Variants in RMDN2 observed in about 807,000 individuals in gnomAD.
RMDN2 encodes the protein regulator of microtubule dynamics protein 2.
A neutral mutation model predicts 52.8 loss-of-function variants in RMDN2; 61 were observed. The ratio of observed to expected loss-of-function variants is 1.16; its 90% CI spans 0.94 to 1.43. The LOEUF (loss-of-function observed/expected upper bound fraction) is 1.43. RMDN2 is among the 40% of genes most tolerant of loss of function. The pLI, the probability that RMDN2 is intolerant of heterozygous loss-of-function variation, is 0.00. For synonymous variants in RMDN2, 180 were observed against 153.1 expected (o/e 1.18, Z -1.30); for missense variants, 592 against 475.3 (o/e 1.25, Z -2.28).
At chr2:38,036,830 A>G (rs1271459506) in intron 10 of RMDN2, 1 of 152,296 alleles carries the variant, frequency 6.6e-6, no homozygotes, top group African/African-American at 2.4e-5. Flanking sequence ...TGGCAAATAC[A>G]GTGTTCTTTC....
intron 2 of RMDN2, among the ~76,000 whole-genome samples, chr2:37,966,203 C>T (rs184207726): frequency 2.6e-5 from 4 of 152,156 alleles, no homozygotes; most frequent in Admixed American, 6.5e-5. Context: ...AGGTGGATCA[C>T]GAGGTCAAAT....
chr2:37,934,457 T>G (rs1667121652), intron 2 of RMDN2, among the ~76,000 whole-genome samples: 1 of 152,266 alleles, frequency 6.6e-6, no homozygotes, highest in Non-Finnish European at 1.5e-5. Context: ...AGTTTGTGTC[T>G]GTGTCCTTTT....
At chr2:37,983,619 G>A (rs1003685584) in intron 5 of RMDN2, among the ~76,000 whole-genome samples, 7 of 152,082 alleles carry the variant, frequency 4.6e-5, no homozygotes, top group Admixed American at 1.3e-4. Context: ...CCCACTGAAT[G>A]CAAAAGTCCT....
At chr2:38,012,260 T>C (rs1038512520) in intron 10 of RMDN2, among the ~76,000 whole-genome samples, 1 of 152,220 alleles carries the variant, frequency 6.6e-6, no homozygotes, top group Non-Finnish European at 1.5e-5. Flanking sequence ...AAAGACTTCC[T>C]TGACGCCTGC....
intron 2 of RMDN2, among the ~76,000 whole-genome samples, chr2:37,941,442 C>G (rs1227861409): frequency 6.6e-6 from 1 of 152,248 alleles, no homozygotes; most frequent in Non-Finnish European, 1.5e-5. Context: ...ATCTGCTGCT[C>G]TCTTCAGAGC....
intron 2 of RMDN2, among the ~76,000 whole-genome samples, chr2:37,939,358 G>A (rs1250370970): frequency 2.0e-5 from 3 of 152,216 alleles, no homozygotes; most frequent in East Asian, 3.8e-4. Flanking sequence ...TGAGAAAAAT[G>A]TATATTCTGT....
chr2:38,005,722 G>C (rs373435571), intron 10 of RMDN2, among the ~76,000 whole-genome samples: 7 of 152,062 alleles, frequency 4.6e-5, no homozygotes, highest in African/African-American at 4.8e-5. Flanking sequence ...TCCCATTTGT[G>C]AATTTTGGCT....
chr2:37,985,194 C>A (rs569127886), intron 5 of RMDN2, among the ~76,000 whole-genome samples: 3 of 152,018 alleles, frequency 2.0e-5, no homozygotes, highest in Admixed American at 2.0e-4. Context: ...TAGAGATATC[C>A]ATAAGTAGTT....
At chr2:37,966,572 T>C (rs1671083970) in intron 2 of RMDN2, among the ~76,000 whole-genome samples, 1 of 152,166 alleles carries the variant, frequency 6.6e-6, no homozygotes, top group Non-Finnish European at 1.5e-5. Flanking sequence ...TGAGGCCCCG[T>C]AGGTCCTTTA....
At chr2:37,975,685 G>T (rs535888965) in intron 4 of RMDN2, among the ~76,000 whole-genome samples, 66 of 151,986 alleles carry the variant, frequency 4.3e-4, no homozygotes, top group South Asian at 1.0e-3. Context: ...ATGTATGCAA[G>T]AACTTAAAGT....
At chr2:38,027,059 A>C (rs112828543) in intron 10 of RMDN2, 5 of 152,114 alleles carry the variant, frequency 3.3e-5, no homozygotes, top group Admixed American at 2.0e-4. Flanking sequence ...AATATGTTCT[A>C]TTTTGGTAAA....
intron 2 of RMDN2, among the ~76,000 whole-genome samples, chr2:37,973,636 G>C (rs149176985): frequency 2.0e-5 from 3 of 152,242 alleles, no homozygotes; most frequent in Non-Finnish European, 4.4e-5. Flanking sequence ...GAGTGGTCTG[G>C]ATGGGCCACA....
intron 2 of RMDN2, chr2:37,952,055 A>G (rs764537151): frequency 1.9e-6 from 3 of 1,613,404 alleles, no homozygotes; most frequent in Non-Finnish European, 2.5e-6. Context: ...TCCTCCATAA[A>G]GCTGGATTTT....
chr2:37,967,037 G>T (rs563790928), intron 2 of RMDN2, among the ~76,000 whole-genome samples: 35 of 152,208 alleles, frequency 2.3e-4, no homozygotes, highest in Non-Finnish European at 3.4e-4. Flanking sequence ...GACAGTGCCC[G>T]AAAGAAATAA....
At chr2:37,981,237 A>T in intron 4 of RMDN2, 46 bp from the exon 5 acceptor site, 1 of 1,149,486 alleles carries the variant, frequency 8.7e-7, no homozygotes, top group Non-Finnish European at 1.3e-6. Flanking sequence ...TCCACCTCCT[A>T]CCAACTCACA....
Position 37,997,407 on chromosome 2 carries a change from T to A in RMDN2, c.946-9T>A, listed in dbSNP as rs1178067119. 6.3e-7 allele frequency: 1 copy of A among 1,577,974 alleles called. No individual in the cohort carries two copies. Among genetic ancestry groups the A allele is most frequent in the Non-Finnish European group, 8.7e-7 (1 of 1,147,182 alleles). On this transcript the variant is annotated splice_polypyrimidine_tract_variant and intron_variant, in intron 7 of 10. Coordinates refer to ENST00000354545, the MANE Select transcript of RMDN2 (RefSeq NM_001170791.3). ...ACTTTCTAAGAGTGATGTTGTTGTG[T>A]ATTTGCAGGTCTCAAAACTGAGCTG... is the stretch of plus-strand genomic sequence containing the variant.
At chr2:38,001,679 G>A (rs2125180772) in intron 8 of RMDN2, among the ~76,000 whole-genome samples, 1 of 152,304 alleles carries the variant, frequency 6.6e-6, no homozygotes, top group East Asian at 1.9e-4. Flanking sequence ...CAGAGCTGAG[G>A]CAACTACCAG....
At chr2:37,996,590 AAAAAAAAAAAG>A (rs1348690795) in intron 7 of RMDN2, among the ~76,000 whole-genome samples, 8 of 52,848 alleles carry the variant, frequency 1.5e-4, no homozygotes, top group African/African-American at 1.1e-3. Context: ...GACATTGCCA[AAAAAAAAAAAG>A]AAAAAAAAAA....
chr2:37,928,227 A>G (rs1016375484), intron 1 of RMDN2, among the ~76,000 whole-genome samples: 1 of 152,212 alleles, frequency 6.6e-6, no homozygotes, highest in Non-Finnish European at 1.5e-5. Flanking sequence ...TGAAATAGGA[A>G]TCCAAAGACG....
Sources: allele counts gnomAD v4.1 joint callset (sites outside exome capture counted in the v4.1 genomes callset), GRCh38; gene constraint gnomAD v4.1.1; transcripts MANE v1.5; gene names NCBI Gene and HGNC (gene_info 2026-07-23, HGNC 2026-07-21).